SEC14L5: variants seen among roughly 807,000 people sequenced by gnomAD.
The protein encoded by SEC14L5 is SEC14 like lipid binding 5, also known as SEC14-like protein 5.
A neutral mutation model predicts 84.6 loss-of-function variants in SEC14L5; 96 were observed. The observed-to-expected ratio is 1.13, with a 90% confidence interval of 0.96 to 1.34. The LOEUF (loss-of-function observed/expected upper bound fraction) is 1.34. Among genes scored for constraint, SEC14L5 ranks in the 40% most tolerant of loss-of-function variants. SEC14L5 has a pLI of 0.00. For synonymous variants in SEC14L5, 546 were observed against 383.4 expected (o/e 1.42, Z -4.95); for missense variants, 1,224 against 942.5 (o/e 1.30, Z -3.91).
intron 6 of SEC14L5, among the ~76,000 whole-genome samples, chr16:4,995,252 G>A (rs1289250343): frequency 2.6e-5 from 4 of 152,318 alleles, no homozygotes; most frequent in African/African-American, 4.8e-5. Context: ...GAGATGCCAC[G>A]AGGCCTCTGC....
chr16:5,002,392 G>T (rs1955686898), intron 10 of SEC14L5, among the ~76,000 whole-genome samples: 1 of 150,956 alleles, frequency 6.6e-6, no homozygotes. Flanking sequence ...CACCTCCTGG[G>T]TTCAAGTGAT....
chr16:5,009,984 A>C (rs1351091751), intron 14 of SEC14L5, among the ~76,000 whole-genome samples: 1 of 151,960 alleles, frequency 6.6e-6, no homozygotes, highest in African/African-American at 2.4e-5. Flanking sequence ...GGAGGTGCTA[A>C]GGTCCTGAGG....
intron 4 of SEC14L5, 107 bp downstream of exon 4, chr16:4,988,387 T>G (rs1225925496): frequency 1.4e-6 from 2 of 1,379,660 alleles, no homozygotes; most frequent in East Asian, 4.9e-5. Context: ...TGCCAAGCCC[T>G]CCCTCCTGGG....
intron 2 of SEC14L5, among the ~76,000 whole-genome samples, chr16:4,981,798 C>G (rs1334195373): frequency 6.6e-6 from 1 of 152,162 alleles, no homozygotes; most frequent in Non-Finnish European, 1.5e-5. Context: ...GAAACAGGCC[C>G]AGAGAAAGGA....
intron 10 of SEC14L5, among the ~76,000 whole-genome samples, chr16:5,002,370 C>A (rs1010318294): frequency 6.7e-6 from 1 of 148,928 alleles, no homozygotes; most frequent in African/African-American, 2.5e-5. Flanking sequence ...AATCTTGGCT[C>A]ACTCCAACCT....
chr16:4,994,721 T>A (rs929135012), intron 6 of SEC14L5, among the ~76,000 whole-genome samples: 1 of 150,470 alleles, frequency 6.6e-6, no homozygotes, highest in Non-Finnish European at 1.5e-5. Context: ...TCCTGCCCCC[T>A]CCTGTGCACG....
intron 10 of SEC14L5, 106 bp from the exon 11 acceptor site, chr16:5,003,296 C>A: frequency 1.2e-6 from 1 of 846,692 alleles, no homozygotes; most frequent in Non-Finnish European, 1.9e-6. Flanking sequence ...CCCATCTGCT[C>A]CCAGCCCTAT....
intron 4 of SEC14L5, among the ~76,000 whole-genome samples, chr16:4,988,730 A>C (rs1348868221): frequency 1.3e-5 from 2 of 152,186 alleles, no homozygotes; most frequent in Non-Finnish European, 2.9e-5. Context: ...GCACATATTA[A>C]GTTCTACGTA....
chr16:4,966,736 G>A (rs765240916), intron 2 of SEC14L5, among the ~76,000 whole-genome samples: 3 of 152,090 alleles, frequency 2.0e-5, no homozygotes, highest in South Asian at 2.1e-4. Flanking sequence ...CAGGCAGTTC[G>A]GCCCCTCAAT....
At chr16:5,010,188 CAAAAAA>C (rs59942135) in intron 14 of SEC14L5, among the ~76,000 whole-genome samples, 2 of 43,644 alleles carry the variant, frequency 4.6e-5, no homozygotes, top group African/African-American at 1.3e-4. Context: ...ACTAAAAATA[CAAAAAA>C]AAAAAAAAAA....
At chr16:5,006,113 G>A (rs1955729660) in intron 12 of SEC14L5, 65 bp downstream of exon 12, 8 of 1,560,572 alleles carry the variant, frequency 5.1e-6, no homozygotes, top group Non-Finnish European at 7.0e-6. Context: ...CTGGGAGGCT[G>A]GGATTCCCGG....
chr16:5,014,528 A>G (rs535235118), intron 15 of SEC14L5, among the ~76,000 whole-genome samples: 1 of 152,360 alleles, frequency 6.6e-6, no homozygotes, highest in African/African-American at 2.4e-5. Flanking sequence ...GAGGAGGACC[A>G]TGGAATTTGA....
Position 5,007,378 on chromosome 16 carries a change from C to A in SEC14L5, c.1464C>A (p.Val488=). 1 of 1,613,838 alleles carries A rather than the reference C, an allele frequency of 6.2e-7. No homozygotes were observed. Among genetic ancestry groups the A allele is most frequent in the South Asian group, 1.1e-5 (1 of 91,058 alleles). The stretch of plus-strand genomic sequence containing the variant: ...GTAATGTCCCCGAAGGAGGGCTGGT[C>A]CCCAAGTCCCTCTACATGACAGAAG... ...SVCNVPEGGL[V]PKSLYMTEEE... is the part of the protein sequence containing the mutation. The change falls in exon 13 of 16, where the codon GTC becomes GTA. Residue 488 remains valine (V), a synonymous_variant. Transcript: ENST00000251170.
rs780605640 is a variant in SEC14L5, at chr16:4,990,879, C to G, written c.458C>G (p.Thr153Ser). 1 of 1,602,440 alleles carries G rather than the reference C, an allele frequency of 6.2e-7. No homozygotes were observed. Among genetic ancestry groups the G allele is most frequent in the Non-Finnish European group, 8.5e-7 (1 of 1,174,358 alleles). The change falls in exon 5 of 16, where the codon ACC (threonine) becomes AGC (serine). Residue 153 changes from threonine (T) to serine (S), a missense_variant. Transcript: ENST00000251170. ...ALEKIAMKQY[T>S]ANVKRGKEVI... is the part of the protein sequence containing the mutation. ...GAGAAGATCGCCATGAAGCAGTACACCGCCAACGTCAAGAGGGTAAGCGGT... is the reference window on the plus strand; with the variant it reads ...GAGAAGATCGCCATGAAGCAGTACAGCGCCAACGTCAAGAGGGTAAGCGGT...
chr16:5,015,034 G>A lies in SEC14L5; in HGVS notation c.*64G>A. The A allele has an allele frequency of 2.3e-6, 3 of 1,301,366 alleles. No homozygotes were observed. Among genetic ancestry groups the A allele is most frequent in the East Asian group, 4.6e-5 (2 of 43,460 alleles). The allele number at this position is 1,301,366 out of a possible 1,614,324, so 80.6% of individuals were successfully genotyped here. ...TGTCCAGAAATGTCCAGAATGAGAA[G>A]CCAGCTAACTGCAGGGCCTGGGACC... On this transcript the variant is annotated 3_prime_UTR_variant, in exon 16 of 16. Coordinates refer to ENST00000251170, the MANE Select transcript of SEC14L5 (RefSeq NM_014692.2).
Position 5,007,458 on chromosome 16 carries a change from C to G in SEC14L5, c.1544C>G (p.Ala515Gly). Residue 515 changes from alanine to glycine, a missense_variant, in exon 13 of 16, where the codon GCC becomes GGC. Transcript: ENST00000251170. Reference protein sequence around the residue: ...LWQWSETYHSASVLRGAPHEV... With the variant: ...LWQWSETYHSGSVLRGAPHEV... ...CAGTGGAGTGAGACCTACCATTCAG[C>G]CAGCGTGCTCCGCGGAGCCCCCCAC... The G allele has an allele frequency of 6.2e-7, 1 of 1,613,762 alleles. No homozygotes were observed. Among genetic ancestry groups the G allele is most frequent in the Non-Finnish European group, 8.5e-7 (1 of 1,179,836 alleles).
chr16:5,010,870 C>A, intron 14 of SEC14L5: 1 of 518,762 alleles, frequency 1.9e-6, no homozygotes, highest in South Asian at 3.5e-5. Context: ...GCGTCAGCTC[C>A]TCCCCAGATT....
chr16:4,991,829 G>C lies in SEC14L5; in HGVS notation c.475-9G>C. 2 of 1,591,600 alleles carry C rather than the reference G, an allele frequency of 1.3e-6. No individual in the cohort carries two copies. Among genetic ancestry groups the C allele is most frequent in the Non-Finnish European group, 1.7e-6 (2 of 1,168,050 alleles). ...GTGCTCATGTGTCTTGGGTCTCTCT[G>C]GCTTCCAGGGGAAGGAGGTGATTGA... On this transcript the variant is annotated splice_polypyrimidine_tract_variant and intron_variant, in intron 5 of 15. Coordinates refer to ENST00000251170, the MANE Select transcript of SEC14L5 (RefSeq NM_014692.2).
chr16:5,006,409 G>A (rs947655957), intron 12 of SEC14L5, among the ~76,000 whole-genome samples: 6 of 152,228 alleles, frequency 3.9e-5, no homozygotes, highest in African/African-American at 7.2e-5. Flanking sequence ...CTGCAGGGGA[G>A]GTGACTCGAA....
Sources: gnomAD v4.1 joint callset for allele counts (sites outside exome capture counted in the v4.1 genomes callset) on GRCh38, gnomAD v4.1.1 for gene constraint, MANE v1.5 for transcripts, NCBI Gene and HGNC (gene_info 2026-07-23, HGNC 2026-07-21) for gene names.